SMARCA5: variants seen among roughly 807,000 people sequenced by gnomAD.
SMARCA5 encodes SWI/SNF-related matrix-associated actin-dependent regulator of chromatin subfamily A member 5.
In SMARCA5, 18 loss-of-function variants were observed where a neutral mutation model predicts 140.4. The ratio of observed to expected loss-of-function variants is 0.13; its 90% confidence interval spans 0.09 to 0.19. SMARCA5 has a LOEUF of 0.19. Among genes scored for constraint, SMARCA5 ranks in the 10% least tolerant of loss-of-function variants. The probability of loss-of-function intolerance (pLI) is 1.00; values close to 1 mark genes in which losing one functional copy is unlikely to be tolerated. For missense variants in SMARCA5, 606 were observed against 1,276.8 expected (o/e 0.47, Z 8.01); for synonymous variants, 449 against 419.6 (o/e 1.07, Z -0.86).
rs1019200573 is a variant in SMARCA5, at chr4:143,553,237, C to T, written c.*53C>T. Reference sequence around the variant, plus strand: ...TTTAAACCAGTAGTTCTTTAATTTACGGGTCTTCATAAGATGTACTGTACA... The same window carrying T: ...TTTAAACCAGTAGTTCTTTAATTTATGGGTCTTCATAAGATGTACTGTACA... On this transcript the variant is annotated 3_prime_UTR_variant, in exon 24 of 24. Transcript: ENST00000283131. 1.4e-5 allele frequency: 18 copies of T among 1,253,926 alleles called. No homozygotes were observed. In the African/African-American group the frequency reaches 2.1e-4, roughly 14 times the overall value. 77.7% of individuals were successfully genotyped at this position (1,253,926 alleles called of 1,614,324 possible). A position where few individuals can be genotyped will look rare whatever the true frequency, so the allele number is the denominator to read the frequency against.
chr4:143,529,879 T>G (rs181537368), intron 8 of SMARCA5, among the ~76,000 whole-genome samples: 14 of 152,338 alleles, frequency 9.2e-5, no homozygotes, highest in Non-Finnish European at 1.5e-5. Context: ...TGTTTCTCAC[T>G]ACATTGACAC....
In SMARCA5 at chr4:143,543,895, T is replaced by A. The variant is rs746005329; in HGVS notation, c.2095T>A (p.Ser699Thr). Residue 699 changes from serine to threonine, a missense_variant, in exon 16 of 24, where the codon TCA (serine) becomes ACA (threonine). This residue lies in a region of SMARCA5 where 62 missense variants were observed against 256.6 expected (regional missense o/e 0.24). Coordinates refer to ENST00000283131, the MANE Select transcript of SMARCA5 (RefSeq NM_003601.4). ...NEKLSKMGES[S>T]LRNFTMDTES... is the part of the protein sequence containing the mutation. ...AAAGCTCTCCAAGATGGGCGAAAGT[T>A]CACTTAGAAACTTTACAATGGATAC... 1 of 1,611,156 alleles carries A rather than the reference T, an allele frequency of 6.2e-7. No homozygotes were observed. Among genetic ancestry groups the A allele is most frequent in the South Asian group, 1.1e-5 (1 of 90,236 alleles).
At chr4:143,544,044 G>C in intron 16 of SMARCA5, 72 bp downstream of exon 16, 2 of 1,173,638 alleles carry the variant, frequency 1.7e-6, no homozygotes, top group Non-Finnish European at 2.3e-6. Flanking sequence ...AAGTGTTACT[G>C]TAATGTCTTA....
At position 143,513,958 on chromosome 4, in the gene SMARCA5, C is replaced by A. The variant is rs755161701; in HGVS notation, c.34C>A (p.Pro12Thr). 4.1e-5 allele frequency: 63 copies of A among 1,553,014 alleles called. No individual in the cohort carries two copies. In the Admixed American group the frequency reaches 1.1e-3, roughly 28 times the overall value. Residue 12 changes from proline (P) to threonine (T), a missense_variant, in exon 1 of 24, where the codon CCT becomes ACT. By Grantham distance (38) the Pro-to-Thr change is conservative (BLOSUM62 -1). Coordinates refer to ENST00000283131, the MANE Select transcript of SMARCA5 (RefSeq NM_003601.4). ...SSAAEPPPPPPPESAPSKPAA... is the reference protein window; with the variant it reads ...SSAAEPPPPPTPESAPSKPAA... ...CGCGGCCGAGCCTCCGCCACCCCCGCCTCCCGAGAGCGCGCCTTCCAAGCC... is the reference window on the plus strand; with the variant it reads ...CGCGGCCGAGCCTCCGCCACCCCCGACTCCCGAGAGCGCGCCTTCCAAGCC...
chr4:143,525,623 T>A, intron 5 of SMARCA5, 72 bp downstream of exon 5: 1 of 1,065,188 alleles, frequency 9.4e-7, no homozygotes, highest in Non-Finnish European at 1.5e-6. Flanking sequence ...TAAAAGTTTC[T>A]TACAGTCTAC....
chr4:143,535,129 C>T (rs1431524609), intron 10 of SMARCA5, among the ~76,000 whole-genome samples, 165 bp downstream of exon 10: 4 of 152,078 alleles, frequency 2.6e-5, no homozygotes, highest in South Asian at 2.1e-4. Context: ...TCATTAAGTT[C>T]GTTATAGAAA....
Position 143,556,489 on chromosome 4 carries a change from A to C in SMARCA5, c.*3305A>C, listed in dbSNP as rs1396798595. On this transcript the variant is annotated 3_prime_UTR_variant, in exon 24 of 24. Coordinates refer to ENST00000283131, the MANE Select transcript of SMARCA5 (RefSeq NM_003601.4). ...GTTTTGGAGTAGAACATTGCTAAAAAAATGGGTACTAAGGAGGGTAATTTA... is the reference window on the plus strand; with the variant it reads ...GTTTTGGAGTAGAACATTGCTAAAACAATGGGTACTAAGGAGGGTAATTTA... The C allele has an allele frequency of 2.0e-5, 3 of 152,340 alleles. No individual in the cohort carries two copies. Among genetic ancestry groups the C allele is most frequent in the Non-Finnish European group, 4.4e-5 (3 of 68,024 alleles). 9.4% of individuals were successfully genotyped at this position (152,340 alleles called of 1,614,324 possible). A position where few individuals can be genotyped will look rare whatever the true frequency, so the allele number is the denominator to read the frequency against.
At position 143,513,861 on chromosome 4, in the gene SMARCA5, C is replaced by A; in HGVS notation, c.-64C>A. 1 of 1,503,510 alleles carries A rather than the reference C, an allele frequency of 6.7e-7. No individual in the cohort carries two copies. Among genetic ancestry groups the A allele is most frequent in the African/African-American group, 1.4e-5 (1 of 71,946 alleles). The allele number at this position is 1,503,510 out of a possible 1,614,324, so 93.1% of individuals were successfully genotyped here. A position where few individuals can be genotyped will look rare whatever the true frequency, so the allele number is the denominator to read the frequency against. On this transcript the variant is annotated 5_prime_UTR_variant, in exon 1 of 24. Transcript: ENST00000283131. ...TTGCGACGTAGCATCCAGGCCTAGG[C>A]CTCCCCGTCCATCCCCGCCGGACTC... is the stretch of plus-strand genomic sequence containing the variant.
chr4:143,538,504 G>A (rs1737360257), intron 11 of SMARCA5, 86 bp from the exon 12 acceptor site: 2 of 1,066,318 alleles, frequency 1.9e-6, no homozygotes. Flanking sequence ...TGGAATTAAG[G>A]ATAATTGATT....
At chr4:143,539,175 G>C (rs1737376509) in intron 13 of SMARCA5, among the ~76,000 whole-genome samples, 1 of 152,158 alleles carries the variant, frequency 6.6e-6, no homozygotes, top group Non-Finnish European at 1.5e-5. Flanking sequence ...TTGGCAGAAG[G>C]GGGAAACGAT....
chr4:143,543,588 G>A lies in SMARCA5; in HGVS notation c.1983G>A (p.Val661=). Residue 661 remains valine, a synonymous_variant, in exon 15 of 24, where the codon GTG becomes GTA. Coordinates refer to ENST00000283131, the MANE Select transcript of SMARCA5 (RefSeq NM_003601.4). The part of the protein sequence containing the change: ...LQMIRHGATH[V]FASKESEITD... ...TGATTAGACATGGAGCAACACATGT[G>A]TTTGCTTCAAAGGAAAGTGAGATCA... 1 of 1,612,722 alleles carries A rather than the reference G, an allele frequency of 6.2e-7. No individual in the cohort carries two copies. The highest frequency in any genetic ancestry group is 8.5e-7 in the Non-Finnish European group (1 of 1,178,992).
chr4:143,517,907 A>G (rs1490992792), intron 2 of SMARCA5, among the ~76,000 whole-genome samples: 1 of 152,194 alleles, frequency 6.6e-6, no homozygotes, highest in Non-Finnish European at 1.5e-5. Context: ...GTAATATGGA[A>G]TACTATAACT....
At chr4:143,517,987 T>C (rs1736876344) in intron 2 of SMARCA5, among the ~76,000 whole-genome samples, 1 of 152,206 alleles carries the variant, frequency 6.6e-6, no homozygotes, top group African/African-American at 2.4e-5. Context: ...GATGTCATTA[T>C]CTAGTTATGT....
chr4:143,532,842 C>A (rs1202119870), intron 9 of SMARCA5, among the ~76,000 whole-genome samples: 5 of 152,082 alleles, frequency 3.3e-5, no homozygotes, highest in Admixed American at 2.0e-4. Flanking sequence ...TATCCAGTTA[C>A]ATTTATTTAG....
In SMARCA5 at chr4:143,557,410, T is replaced by C. The variant is rs562527340; in HGVS notation, c.*4226T>C. On this transcript the variant is annotated 3_prime_UTR_variant, in exon 24 of 24. Coordinates refer to ENST00000283131, the MANE Select transcript of SMARCA5 (RefSeq NM_003601.4). ...CAACCCAAAGGAGTTTTTATGTATA[T>C]AGATTGTGAATAAATTGGGAAAAGA... 1 of 152,344 alleles carries C rather than the reference T, an allele frequency of 6.6e-6. No individual in the cohort carries two copies. The highest frequency in any genetic ancestry group is 1.9e-4 in the East Asian group (1 of 5,194). The allele number at this position is 152,344 out of a possible 1,614,324, so 9.4% of individuals were successfully genotyped here.
Position 143,553,332 on chromosome 4 carries a change from G to A in SMARCA5, c.*148G>A, listed in dbSNP as rs940714305. The A allele has an allele frequency of 4.2e-5, 23 of 547,402 alleles. No homozygotes were observed. Among genetic ancestry groups the A allele is most frequent in the Non-Finnish European group, 6.1e-5 (19 of 309,898 alleles). The allele number at this position is 547,402 out of a possible 1,614,324, so 33.9% of individuals were successfully genotyped here. On this transcript the variant is annotated 3_prime_UTR_variant, in exon 24 of 24. Transcript: ENST00000283131. ...TACTGAGCTAGAAACATAGTATGTA[G>A]TTTCACTTTTTTAAATGCAACAGCT...
chr4:143,535,315 G>C (rs1737280856), intron 10 of SMARCA5, among the ~76,000 whole-genome samples: 1 of 152,116 alleles, frequency 6.6e-6, no homozygotes, highest in Non-Finnish European at 1.5e-5. Context: ...TAAATACTGG[G>C]TCAGTGTAAA....
chr4:143,538,592 T>G lies in SMARCA5; in HGVS notation c.1498T>G (p.Ser500Ala). 1 of 1,612,762 alleles carries G rather than the reference T, an allele frequency of 6.2e-7. No homozygotes were observed. The highest frequency in any genetic ancestry group is 1.1e-5 in the South Asian group (1 of 90,960). Residue 500 changes from serine to alanine, a missense_variant and splice_region_variant, in exon 12 of 24, where the codon TCA becomes GCA. Ser to Ala is a moderately conservative substitution (Grantham distance 99, BLOSUM62 1). This residue lies in a region of SMARCA5 where 68 missense variants were observed against 126.9 expected (regional missense o/e 0.54). Transcript: ENST00000283131. ...TAGATTGTTATATTCCCCAACAGGT[T>G]CACGAGTACTAATCTTCAGTCAAAT... is the stretch of plus-strand genomic sequence containing the variant. Reference protein sequence around the residue: ...KLLPKLKEQGSRVLIFSQMTR... With the variant: ...KLLPKLKEQGARVLIFSQMTR...
chr4:143,514,391 C>T, intron 1 of SMARCA5: 1 of 359,354 alleles, frequency 2.8e-6, no homozygotes, highest in East Asian at 5.0e-5. Context: ...GTTACCGTGG[C>T]CCGGGGGACC....
Sources: gnomAD v4.1 joint callset for allele counts (sites outside exome capture counted in the v4.1 genomes callset) on GRCh38, gnomAD v4.1.1 for gene constraint, gnomAD v4.1.1 regional missense constraint, MANE v1.5 for transcripts, NCBI Gene and HGNC (gene_info 2026-07-23, HGNC 2026-07-21) for gene names.